Variants in SEL1L2 observed in about 807,000 individuals in gnomAD.
The protein encoded by SEL1L2 is protein sel-1 homolog 2.
In SEL1L2, 89 loss-of-function variants were observed where a neutral mutation model predicts 98.8. That is an observed-to-expected ratio of 0.90 (90% CI 0.76 to 1.07). The LOEUF is 1.07. Among genes scored for constraint, SEL1L2 ranks in the 50% least tolerant of loss-of-function variants. The probability of loss-of-function intolerance (pLI) is 0.00; values close to 1 mark genes in which losing one functional copy is unlikely to be tolerated. For synonymous variants in SEL1L2, 262 were observed against 278.5 expected (o/e 0.94, Z 0.59); for missense variants, 788 against 812.0 (o/e 0.97, Z 0.36).
intron 5 of SEL1L2, among the ~76,000 whole-genome samples, chr20:13,907,742 C>CTTTCTTTCTTTCTTTCT (rs1555880158): frequency 6.5e-4 from 54 of 83,586 alleles, no homozygotes; most frequent in Middle Eastern, 5.2e-3. Flanking sequence ...TTCTTTCTTT[C>CTTTCTTTCTTTCTTTCT]TTTCTTTTCT....
Position 13,849,782 on chromosome 20 carries a change from C to G in SEL1L2, c.1948-178G>C, listed in dbSNP as rs372803729. ...CATCTTCCACAAGGGGCTTAAATAG[C>G]ACCTTTAGAATAACCCCAAAGATTT... is the stretch of plus-strand genomic sequence containing the variant. On this transcript the variant is annotated intron_variant, in intron 19 of 19. Transcript: ENST00000284951. 4.6e-5 allele frequency among the ~76,000 whole-genome samples: 7 copies of G among 152,298 alleles called. No individual in the cohort carries two copies. In the East Asian group the frequency reaches 1.3e-3, roughly 29 times the overall value.
chr20:13,944,523 C>T (rs1163625142), intron 2 of SEL1L2, among the ~76,000 whole-genome samples: 1 of 152,142 alleles, frequency 6.6e-6, no homozygotes, highest in Non-Finnish European at 1.5e-5. Context: ...ATGAAGGAGC[C>T]ATTTACTGGC....
chr20:13,988,150 T>C (rs1037670354), intron 1 of SEL1L2, among the ~76,000 whole-genome samples: 2 of 151,850 alleles, frequency 1.3e-5, no homozygotes, highest in East Asian at 3.9e-4. Context: ...TTTGTGTATA[T>C]GAGGTATGAG....
upstream of SEL1L2, among the ~76,000 whole-genome samples, chr20:13,992,405 G>C (rs2052562833): frequency 6.6e-6 from 1 of 152,166 alleles, no homozygotes; most frequent in African/African-American, 2.4e-5. Context: ...TCGGGAGGCT[G>C]AGGCAGGAGA....
chr20:13,980,694 A>G (rs1461209270), intron 1 of SEL1L2, among the ~76,000 whole-genome samples: 1 of 152,206 alleles, frequency 6.6e-6, no homozygotes. Flanking sequence ...TCCCATATTC[A>G]TTACAGCATG....
At chr20:13,918,935 G>T in intron 4 of SEL1L2, 86 bp downstream of exon 4, 1 of 875,994 alleles carries the variant, frequency 1.1e-6, no homozygotes, top group Non-Finnish European at 1.8e-6. Context: ...ATCCCAATGA[G>T]TTTTAATGAT....
chr20:13,867,686 G>GT (rs71334161), intron 14 of SEL1L2, among the ~76,000 whole-genome samples: 14,232 of 152,156 alleles, frequency 0.094, 788 homozygotes, highest in African/African-American at 0.15. Flanking sequence ...GGTCAAATGA[G>GT]TTGAGAGGGT....
intron 1 of SEL1L2, among the ~76,000 whole-genome samples, chr20:13,985,139 CTCAAAG>C (rs1296740292): frequency 3.3e-5 from 5 of 152,010 alleles, no homozygotes; most frequent in Non-Finnish European, 1.5e-5. Context: ...CTATTCTACT[CTCAAAG>C]TCATTTTTCT....
In SEL1L2 at chr20:13,882,811, T is replaced by TA. The variant is rs1460659286; in HGVS notation, c.957+2535_957+2536insT. The stretch of plus-strand genomic sequence containing the variant: ...GATAACTGATAGATAAGTCAATTTG[T>TA]CTTTTTTTTTTTTTTTTTTTTTTGA... On this transcript the variant is annotated intron_variant, in intron 10 of 19. Transcript: ENST00000284951. Among the ~76,000 whole-genome samples, 617 of 122,544 alleles carry TA rather than the reference T, an allele frequency of 5.0e-3. 6 individuals are homozygous for TA. The highest frequency in any genetic ancestry group is 0.017 in the African/African-American group (581 of 33,708). 80.4% of individuals were successfully genotyped at this position (122,544 alleles called of 152,430 possible). A position where few individuals can be genotyped will look rare whatever the true frequency, so the allele number is the denominator to read the frequency against.
chr20:13,849,668 T>G (rs528466772), intron 19 of SEL1L2, 64 bp from the exon 20 acceptor site: 1 of 1,583,522 alleles, frequency 6.3e-7, no homozygotes, highest in African/African-American at 1.3e-5. Context: ...AGAGCCACCA[T>G]CTCTTCCCAA....
intron 1 of SEL1L2, among the ~76,000 whole-genome samples, chr20:13,964,400 G>A (rs1319231977): frequency 1.9e-5 from 2 of 103,550 alleles, no homozygotes; most frequent in South Asian, 7.1e-4. Context: ...CTTTTTCGTT[G>A]AGCACATTGT....
At chr20:13,947,106 G>A (rs2050047998) in intron 2 of SEL1L2, among the ~76,000 whole-genome samples, 1 of 104,584 alleles carries the variant, frequency 9.6e-6, no homozygotes, top group Admixed American at 1.1e-4. Flanking sequence ...AAGCCAGGAA[G>A]GACCTGAAGC....
chr20:13,991,603 T>C (rs999376573), upstream of SEL1L2, among the ~76,000 whole-genome samples: 1 of 152,342 alleles, frequency 6.6e-6, no homozygotes, highest in East Asian at 1.9e-4. Flanking sequence ...TTGCCTTCTG[T>C]AGTTTAATCT....
chr20:13,932,303 G>A (rs912003334), intron 2 of SEL1L2, among the ~76,000 whole-genome samples: 1 of 151,898 alleles, frequency 6.6e-6, no homozygotes, highest in East Asian at 1.9e-4. Flanking sequence ...AGAAAATAAT[G>A]CAGGAATTAA....
intron 3 of SEL1L2, among the ~76,000 whole-genome samples, chr20:13,929,192 G>A (rs575950420): frequency 1.3e-5 from 2 of 152,082 alleles, no homozygotes; most frequent in South Asian, 2.1e-4. Context: ...GACTTGCCCC[G>A]CCAGCCCCAC....
At chr20:13,970,858 T>C (rs1461402305) in intron 1 of SEL1L2, among the ~76,000 whole-genome samples, 1 of 150,270 alleles carries the variant, frequency 6.7e-6, no homozygotes, top group Admixed American at 6.7e-5. Context: ...GTCACACATA[T>C]TAATTAATAG....
chr20:13,850,145 C>T, intron 19 of SEL1L2, 46 bp downstream of exon 19: 1 of 1,609,446 alleles, frequency 6.2e-7, no homozygotes, highest in Non-Finnish European at 8.5e-7. Context: ...AAGAGTTGCT[C>T]ACTGGAGACT....
chr20:13,933,420 C>T (rs1361450826), intron 2 of SEL1L2, among the ~76,000 whole-genome samples: 2 of 151,808 alleles, frequency 1.3e-5, no homozygotes, highest in Non-Finnish European at 2.9e-5. Flanking sequence ...CTTCCCTGTA[C>T]TCCCATCCTC....
intron 18 of SEL1L2, among the ~76,000 whole-genome samples, chr20:13,858,587 A>T (rs1421185053): frequency 6.6e-6 from 1 of 152,186 alleles, no homozygotes; most frequent in East Asian, 1.9e-4. Context: ...GGCTATTATT[A>T]TCGTTATTGA....
Sources: gnomAD v4.1 joint callset for allele counts (sites outside exome capture counted in the v4.1 genomes callset) on GRCh38, gnomAD v4.1.1 for gene constraint, MANE v1.5 for transcripts, NCBI Gene and HGNC (gene_info 2026-07-23, HGNC 2026-07-21) for gene names.